The following INTS13 variants were observed in gnomAD, a reference collection of about 807,000 sequenced individuals.
INTS13 encodes integrator complex subunit 13, also known as asunder, spermatogenesis regulator homolog (Drosphila).
A neutral mutation model predicts 90.2 loss-of-function variants in INTS13; 35 were observed. The ratio of observed to expected loss-of-function variants is 0.39; its 90% confidence interval spans 0.30 to 0.51. The LOEUF (loss-of-function observed/expected upper bound fraction) is 0.51, where lower values mean the gene tolerates loss of function less well. Ranked by LOEUF, INTS13 falls within the 20% of genes least tolerant of loss-of-function variation. The pLI is 0.80. For synonymous variants in INTS13, 309 were observed against 277.1 expected (o/e 1.11, Z -1.14); for missense variants, 601 against 851.2 (o/e 0.71, Z 3.66).
At chr12:26,919,336 A>C (rs1336534751) in intron 8 of INTS13, among the ~76,000 whole-genome samples, 1 of 152,096 alleles carries the variant, frequency 6.6e-6, no homozygotes, top group Non-Finnish European at 1.5e-5. Flanking sequence ...TGAGAATAAA[A>C]AGGGGGAGGG....
chr12:26,926,062 CA>C (rs938004076), intron 5 of INTS13, among the ~76,000 whole-genome samples: 2 of 151,852 alleles, frequency 1.3e-5, no homozygotes, highest in Non-Finnish European at 2.9e-5. Flanking sequence ...AATTTAAATG[CA>C]AAAAATAATA....
intron 5 of INTS13, among the ~76,000 whole-genome samples, chr12:26,926,106 C>T (rs911818370): frequency 1.3e-5 from 2 of 152,018 alleles, no homozygotes; most frequent in Non-Finnish European, 2.9e-5. Flanking sequence ...AGAGAAAACT[C>T]TTATAATTAA....
intron 16 of INTS13, 49 bp downstream of exon 16, chr12:26,906,253 A>G (rs1169395818): frequency 2.6e-6 from 4 of 1,520,724 alleles, no homozygotes; most frequent in East Asian, 2.3e-5. Context: ...TTGTTAAGGT[A>G]CTATACAGGC....
At chr12:26,928,318 G>C in intron 4 of INTS13, 33 bp from the exon 5 acceptor site, 11 of 1,526,216 alleles carry the variant, frequency 7.2e-6, no homozygotes, top group Non-Finnish European at 1.0e-5. Flanking sequence ...CAAATTTAAA[G>C]GAATAAACAG....
chr12:26,909,095 T>G (rs1951696814), intron 15 of INTS13, among the ~76,000 whole-genome samples: 1 of 152,248 alleles, frequency 6.6e-6, no homozygotes. Flanking sequence ...GCGCAGGGAC[T>G]CATGCCTGTA....
chr12:26,929,563 GAA>G (rs113961406), intron 3 of INTS13, among the ~76,000 whole-genome samples: 8 of 115,610 alleles, frequency 6.9e-5, no homozygotes, highest in East Asian at 2.1e-4. Flanking sequence ...TCTATAAAAA[GAA>G]AAAAAAAAAA....
intron 3 of INTS13, 98 bp downstream of exon 3, chr12:26,934,458 C>A (rs748359720): frequency 1.4e-5 from 12 of 887,204 alleles, no homozygotes; most frequent in Non-Finnish European, 2.0e-5. Context: ...ACACTATATG[C>A]AAATCCTAGA....
At chr12:26,927,521 T>C (rs756342081) in intron 5 of INTS13, among the ~76,000 whole-genome samples, 16 of 152,202 alleles carry the variant, frequency 1.1e-4, no homozygotes, top group Non-Finnish European at 1.6e-4. Context: ...AGTCACACAA[T>C]GCAACTACTT....
At chr12:26,910,761 C>A (rs1164389098) in intron 15 of INTS13, among the ~76,000 whole-genome samples, 1 of 152,086 alleles carries the variant, frequency 6.6e-6, no homozygotes, top group East Asian at 1.9e-4. Flanking sequence ...TAAACAACAC[C>A]CACAAATACT....
intron 14 of INTS13, 148 bp from the exon 15 acceptor site, chr12:26,911,465 A>T: frequency 1.9e-6 from 1 of 527,246 alleles, no homozygotes; most frequent in South Asian, 6.2e-5. Flanking sequence ...ATCTCAATCT[A>T]AAACCAGGTA....
In INTS13 at chr12:26,934,622, A is replaced by G. The variant is rs1176852632; in HGVS notation, c.234T>C (p.Phe78=). ...CATGTGCTCCAGAGTCACTCACAAT[A>G]AAATTCACCTAATAGATTCCAAAGA... The part of the protein sequence containing the change: ...DIFPFKKLVN[F]IVSDSGAHVL... The change falls in exon 3 of 17, where the codon TTT becomes TTC. Residue 78 remains phenylalanine, a synonymous_variant. Transcript: ENST00000261191. 1.2e-6 allele frequency: 2 copies of G among 1,612,016 alleles called. No individual in the cohort carries two copies. The highest frequency in any genetic ancestry group is 8.5e-7 in the Non-Finnish European group (1 of 1,178,372).
At chr12:26,910,839 AT>A (rs879528787) in intron 15 of INTS13, among the ~76,000 whole-genome samples, 37 of 148,030 alleles carry the variant, frequency 2.5e-4, no homozygotes, top group South Asian at 4.3e-4. Flanking sequence ...TCATTGGAAA[AT>A]TTTTTTTTTT....
chr12:26,909,920 G>A (rs1951724579), intron 15 of INTS13, among the ~76,000 whole-genome samples: 1 of 152,086 alleles, frequency 6.6e-6, no homozygotes, highest in African/African-American at 2.4e-5. Context: ...CCTTAGGAGA[G>A]GCATAGTGGC....
At position 26,911,557 on chromosome 12, in the gene INTS13, T is replaced by C. The variant is rs374463846; in HGVS notation, c.1806-240A>G. ...TGATTCAGGAATTAGCTGTAAAATA[T>C]AAAAAAAAAGAAGATACTTAAATTA... On this transcript the variant is annotated intron_variant, in intron 14 of 16. Coordinates refer to ENST00000261191, the MANE Select transcript of INTS13 (RefSeq NM_018164.3). Among the ~76,000 whole-genome samples, 53 of 150,494 alleles carry C rather than the reference T, an allele frequency of 3.5e-4. No individual in the cohort carries two copies. In the East Asian group the frequency reaches 8.7e-3, roughly 25 times the overall value.
chr12:26,924,094 G>A (rs879535451), intron 7 of INTS13, among the ~76,000 whole-genome samples: 7 of 152,024 alleles, frequency 4.6e-5, no homozygotes, highest in Admixed American at 3.3e-4. Flanking sequence ...CAGAAAATAC[G>A]ATATGGGGAG....
intron 8 of INTS13, among the ~76,000 whole-genome samples, chr12:26,919,240 T>C (rs1176985279): frequency 1.3e-5 from 2 of 150,246 alleles, no homozygotes; most frequent in African/African-American, 2.4e-5. Flanking sequence ...AAAAGAACAA[T>C]GGATACCAAG....
chr12:26,923,964 A>C (rs1937723413), intron 7 of INTS13, among the ~76,000 whole-genome samples: 2 of 152,070 alleles, frequency 1.3e-5, no homozygotes, highest in South Asian at 2.1e-4. Context: ...TTTTTAAGAG[A>C]GCTCACATAA....
chr12:26,913,867 T>C (rs1951860174), intron 13 of INTS13, 107 bp downstream of exon 13: 9 of 1,189,454 alleles, frequency 7.6e-6, no homozygotes, highest in South Asian at 4.2e-5. Context: ...CAAATATATA[T>C]ATAAACATGT....
In INTS13 at chr12:26,936,732, G is replaced by A; in HGVS notation, c.72C>T (p.Cys24=). The A allele has an allele frequency of 1.2e-6, 2 of 1,614,024 alleles. No homozygotes were observed. Among genetic ancestry groups the A allele is most frequent in the South Asian group, 1.1e-5 (1 of 91,084 alleles). The part of the protein sequence containing the change: ...VDHCPYMAES[C]RQHVEFDMLV... Reference sequence around the variant, plus strand: ...GCATATCAAACTCGACATGCTGCCTGCAAGATTCTGCCATATAAGGGCAGT... The same window carrying A: ...GCATATCAAACTCGACATGCTGCCTACAAGATTCTGCCATATAAGGGCAGT... The change falls in exon 2 of 17, where the codon TGC becomes TGT. Residue 24 remains cysteine, a synonymous_variant. Coordinates refer to ENST00000261191, the MANE Select transcript of INTS13 (RefSeq NM_018164.3).
Sources: allele counts gnomAD v4.1 joint callset (sites outside exome capture counted in the v4.1 genomes callset), GRCh38; gene constraint gnomAD v4.1.1; transcripts MANE v1.5; gene names NCBI Gene and HGNC (gene_info 2026-07-23, HGNC 2026-07-21).